TMX4: variants seen among roughly 807,000 people sequenced by gnomAD.
The protein encoded by TMX4 is thioredoxin related transmembrane protein 4, also known as thioredoxin-related transmembrane protein 4.
TMX4 carries 23 observed loss-of-function variants against 33.3 expected under a neutral mutation model. The ratio of observed to expected loss-of-function variants is 0.69; its 90% CI spans 0.50 to 0.98. The LOEUF (loss-of-function observed/expected upper bound fraction) is 0.98, where lower values mean the gene tolerates loss of function less well. Among genes scored for constraint, TMX4 ranks in the 50% least tolerant of loss-of-function variants. The pLI is 0.00. For missense variants in TMX4, 399 were observed against 448.9 expected (o/e 0.89, Z 1.01); for synonymous variants, 164 against 161.5 (o/e 1.02, Z -0.12).
chr20:7,993,584 C>T (rs1379476094), intron 5 of TMX4, among the ~76,000 whole-genome samples: 2 of 151,978 alleles, frequency 1.3e-5, no homozygotes, highest in African/African-American at 4.8e-5. Context: ...CTCTTTAGGT[C>T]AGAGATGGTG....
chr20:8,002,093 G>A (rs1453458767), intron 2 of TMX4, among the ~76,000 whole-genome samples: 16 of 152,122 alleles, frequency 1.1e-4, no homozygotes, highest in East Asian at 3.9e-4. Context: ...TGTAAGTACC[G>A]TAAAGGGAAT....
At chr20:8,018,108 A>C (rs2050783932) in intron 1 of TMX4, among the ~76,000 whole-genome samples, 1 of 151,714 alleles carries the variant, frequency 6.6e-6, no homozygotes, top group Non-Finnish European at 1.5e-5. Context: ...TGCAATTTAA[A>C]TTGAAAGAAT....
intron 1 of TMX4, among the ~76,000 whole-genome samples, chr20:8,018,339 GAGAGA>G (rs1568540870): frequency 9.1e-6 from 1 of 109,334 alleles, no homozygotes; most frequent in Non-Finnish European, 1.9e-5. Flanking sequence ...GAGAGAGAGA[GAGAGA>G]GGAGGGAGAG....
In TMX4 at chr20:8,010,210, A is replaced by T; in HGVS notation, c.282T>A (p.Ile94=). 1 of 1,607,414 alleles carries T rather than the reference A, an allele frequency of 6.2e-7. No individual in the cohort carries two copies. Among genetic ancestry groups the T allele is most frequent in the Non-Finnish European group, 8.5e-7 (1 of 1,176,858 alleles). Residue 94 remains isoleucine, a synonymous_variant, in exon 2 of 8, where the codon ATT becomes ATA. Transcript: ENST00000246024. ...CAACATTCACAGTACCTGGTTCTTG[A>T]ATGACATCTACCTTCCCCACACTGA... is the stretch of plus-strand genomic sequence containing the variant. ...LQISVGKVDV[I]QEPGLSGRFF... is the part of the protein sequence containing the mutation.
chr20:7,991,284 T>G (rs940564583), intron 5 of TMX4, among the ~76,000 whole-genome samples: 1 of 152,234 alleles, frequency 6.6e-6, no homozygotes, highest in Non-Finnish European at 1.5e-5. Context: ...CATCCTATAT[T>G]ATCAGTGAGC....
intron 5 of TMX4, among the ~76,000 whole-genome samples, chr20:7,995,288 T>G (rs1021685913): frequency 6.6e-6 from 1 of 152,212 alleles, no homozygotes; most frequent in Admixed American, 6.5e-5. Flanking sequence ...TTTTGAGCTA[T>G]ATTTAATTCC....
chr20:8,013,378 T>A (rs1803848889), intron 1 of TMX4, among the ~76,000 whole-genome samples: 1 of 152,226 alleles, frequency 6.6e-6, no homozygotes, highest in Non-Finnish European at 1.5e-5. Flanking sequence ...TCTTTTCTAC[T>A]GAACTTTTGT....
chr20:8,011,936 A>G (rs2050754812), intron 1 of TMX4, among the ~76,000 whole-genome samples: 1 of 152,148 alleles, frequency 6.6e-6, no homozygotes, highest in Non-Finnish European at 1.5e-5. Context: ...TTTCCAAGGC[A>G]AAGTACATTC....
At chr20:8,004,284 T>C (rs80119977) in intron 2 of TMX4, among the ~76,000 whole-genome samples, 3,716 of 152,288 alleles carry the variant, frequency 0.024, 95 homozygotes, top group East Asian at 0.065. Context: ...CCACTTGGAA[T>C]ACAGAAGCAC....
In TMX4 at chr20:8,019,570, G is replaced by A; in HGVS notation, c.44C>T (p.Ala15Val). The A allele has an allele frequency of 1.4e-6, 2 of 1,406,114 alleles. No homozygotes were observed. The highest frequency in any genetic ancestry group is 1.8e-6 in the Non-Finnish European group (2 of 1,082,218). The allele number at this position is 1,406,114 out of a possible 1,614,324, so 87.1% of individuals were successfully genotyped here. Reference protein sequence around the residue: ...RCGPQLTALLAAWIAAVAATA... With the variant: ...RCGPQLTALLVAWIAAVAATA... Reference sequence around the variant, plus strand: ...CGCCGCCACAGCCGCGATCCAGGCGGCCAGGAGCGCCGTTAGCTGCGGGCC... The same window carrying A: ...CGCCGCCACAGCCGCGATCCAGGCGACCAGGAGCGCCGTTAGCTGCGGGCC... Residue 15 changes from alanine (A) to valine (V), a missense_variant, in exon 1 of 8, where the codon GCC becomes GTC. Transcript: ENST00000246024.
intron 3 of TMX4, 55 bp from the exon 4 acceptor site, chr20:7,999,915 G>C (rs2050696997): frequency 6.4e-7 from 1 of 1,558,210 alleles, no homozygotes; most frequent in Non-Finnish European, 8.7e-7. Flanking sequence ...CGATGTTACA[G>C]ATAATAAAAA....
In TMX4 at chr20:7,999,790, C is replaced by CT; in HGVS notation, c.408dup (p.Glu137ArgfsTer29). On this transcript the variant is annotated frameshift_variant, in exon 4 of 8. Coordinates refer to ENST00000246024, the MANE Select transcript of TMX4 (RefSeq NM_021156.4). LOFTEE classifies it high-confidence loss of function. ...GGCTCGACTGATTGCCATTTCTTCTCTAAGATATAATTCTGCAGGTCTTCG... is the reference window on the plus strand; with the variant it reads ...GGCTCGACTGATTGCCATTTCTTCTCTTAAGATATAATTCTGCAGGTCTTCG... 1 of 1,613,712 alleles carries CT rather than the reference C, an allele frequency of 6.2e-7. No homozygotes were observed.
Position 7,979,928 on chromosome 20 carries a change from C to T in TMX4, c.*2323G>A, listed in dbSNP as rs1315786507. ...ACACAAAATTCATTTGTTTTATATACACCTTATACAACATAGCTTGAAGGT... is the reference window on the plus strand; with the variant it reads ...ACACAAAATTCATTTGTTTTATATATACCTTATACAACATAGCTTGAAGGT... On this transcript the variant is annotated 3_prime_UTR_variant, in exon 8 of 8. Coordinates refer to ENST00000246024, the MANE Select transcript of TMX4 (RefSeq NM_021156.4). 1 of 152,040 alleles carries T rather than the reference C, an allele frequency of 6.6e-6. No individual in the cohort carries two copies. Among genetic ancestry groups the T allele is most frequent in the African/African-American group, 2.4e-5 (1 of 41,378 alleles). The allele number at this position is 152,040 out of a possible 1,614,324, so 9.4% of individuals were successfully genotyped here.
At chr20:7,984,948 C>T (rs6140481) in intron 6 of TMX4, among the ~76,000 whole-genome samples, 40,868 of 151,914 alleles carry the variant, frequency 0.27, 9,603 homozygotes, top group African/African-American at 0.61. Flanking sequence ...GCTTTGTCCC[C>T]CAGTATTCCT....
intron 2 of TMX4, among the ~76,000 whole-genome samples, chr20:8,009,943 A>G (rs1409083693): frequency 6.6e-6 from 1 of 151,846 alleles, no homozygotes; most frequent in South Asian, 2.1e-4. Flanking sequence ...GTAAATTATC[A>G]TGATGTCGAT....
Position 7,996,006 on chromosome 20 carries a change from TTTTA to T in TMX4, c.513+16_513+19del, listed in dbSNP as rs760362654. 2 of 1,586,084 alleles carry T rather than the reference TTTTA, an allele frequency of 1.3e-6. No homozygotes were observed. Among genetic ancestry groups the T allele is most frequent in the East Asian group, 2.2e-5 (1 of 44,682 alleles). On this transcript the variant is annotated intron_variant, in intron 5 of 7. Coordinates refer to ENST00000246024, the MANE Select transcript of TMX4 (RefSeq NM_021156.4). ...CTTAACCTCTCTGCAAATATAAACG[TTTTA>T]TTTAAGATTACTTACCCATATCTTG...
intron 1 of TMX4, 134 bp from the exon 2 acceptor site, chr20:8,010,449 T>C (rs1025046824): frequency 6.1e-6 from 3 of 494,930 alleles, no homozygotes; most frequent in East Asian, 7.8e-5. Flanking sequence ...CCAAAGTCAT[T>C]TGACATAGAA....
At chr20:8,010,018 T>C (rs2050746329) in intron 2 of TMX4, among the ~76,000 whole-genome samples, 182 bp downstream of exon 2, 1 of 152,106 alleles carries the variant, frequency 6.6e-6, no homozygotes, top group Non-Finnish European at 1.5e-5. Flanking sequence ...TGCAAATATG[T>C]ATGTGCAAAC....
intron 1 of TMX4, among the ~76,000 whole-genome samples, chr20:8,013,426 T>C (rs1396271513): frequency 6.6e-6 from 1 of 152,204 alleles, no homozygotes; most frequent in Non-Finnish European, 1.5e-5. Flanking sequence ...GTAAAATTAG[T>C]AAACTTCATA....
Sources: allele counts gnomAD v4.1 joint callset (sites outside exome capture counted in the v4.1 genomes callset), GRCh38; gene constraint gnomAD v4.1.1; transcripts MANE v1.5; gene names NCBI Gene and HGNC (gene_info 2026-07-23, HGNC 2026-07-21).